HPSE2: variants seen among roughly 807,000 people sequenced by gnomAD.
The protein encoded by HPSE2 is heparanase 2 (inactive).
HPSE2 carries 38 observed loss-of-function variants against 60.5 expected under a neutral mutation model. The ratio of observed to expected loss-of-function variants is 0.63; its 90% CI spans 0.48 to 0.82. HPSE2 has a LOEUF of 0.82. HPSE2 is among the 40% of genes least tolerant of loss of function. The probability of loss-of-function intolerance (pLI) is 0.00; values close to 1 mark genes in which losing one functional copy is unlikely to be tolerated. For missense variants in HPSE2, 713 were observed against 740.4 expected (o/e 0.96, Z 0.43); for synonymous variants, 295 against 293.2 (o/e 1.01, Z -0.06).
intron 9 of HPSE2, among the ~76,000 whole-genome samples, chr10:98,560,873 ACAGT>A (rs1187263098): frequency 5.4e-4 from 3 of 5,540 alleles, no homozygotes; most frequent in African/African-American, 7.1e-4. Context: ...AGCCAGTTGT[ACAGT>A]TGTATAAAAG....
At chr10:98,788,987 T>A (rs1373628369) in intron 3 of HPSE2, among the ~76,000 whole-genome samples, 1 of 152,230 alleles carries the variant, frequency 6.6e-6, no homozygotes, top group Non-Finnish European at 1.5e-5. Flanking sequence ...CCACTTCTTA[T>A]CCTTCTCACT....
intron 3 of HPSE2, among the ~76,000 whole-genome samples, chr10:98,752,871 A>G (rs924443033): frequency 6.6e-6 from 1 of 152,230 alleles, no homozygotes; most frequent in African/African-American, 2.4e-5. Flanking sequence ...TAAAAAGAAT[A>G]AAATCCTGTC....
At chr10:98,761,186 A>C (rs940585487) in intron 3 of HPSE2, among the ~76,000 whole-genome samples, 6 of 151,920 alleles carry the variant, frequency 3.9e-5, no homozygotes, top group Non-Finnish European at 8.8e-5. Flanking sequence ...ATTTTATTTA[A>C]GTCTTCTCTC....
chr10:98,987,734 C>T (rs376384898), intron 3 of HPSE2, among the ~76,000 whole-genome samples: 11 of 152,188 alleles, frequency 7.2e-5, no homozygotes, highest in South Asian at 2.1e-4. Context: ...TGATTGTATA[C>T]CTAGAAAACC....
intron 9 of HPSE2, among the ~76,000 whole-genome samples, chr10:98,504,562 G>A (rs1160726192): frequency 7.2e-5 from 11 of 152,132 alleles, no homozygotes; most frequent in East Asian, 1.9e-4. Context: ...CGAGGTTGCC[G>A]GATCACGAGG....
intron 3 of HPSE2, among the ~76,000 whole-genome samples, chr10:98,914,217 T>C (rs904558558): frequency 6.6e-6 from 1 of 152,038 alleles, no homozygotes; most frequent in African/African-American, 2.4e-5. Flanking sequence ...AGGGGGAGTT[T>C]CCCTGCACAA....
intron 3 of HPSE2, among the ~76,000 whole-genome samples, chr10:98,840,163 T>A (rs1266714409): frequency 6.6e-6 from 1 of 152,174 alleles, no homozygotes; most frequent in Non-Finnish European, 1.5e-5. Context: ...GAAATCCTCA[T>A]GAGTATCAGT....
intron 3 of HPSE2, among the ~76,000 whole-genome samples, chr10:99,008,645 A>C (rs151294720): frequency 6.6e-6 from 1 of 152,348 alleles, no homozygotes; most frequent in African/African-American, 2.4e-5. Context: ...AAAATATTCC[A>C]AAGCCAATTA....
intron 3 of HPSE2, among the ~76,000 whole-genome samples, chr10:98,948,763 C>A (rs182816970): frequency 6.6e-6 from 1 of 152,212 alleles, no homozygotes; most frequent in African/African-American, 2.4e-5. Flanking sequence ...AGACCACCCC[C>A]TCCTCTTCCA....
At chr10:98,570,784 C>T (rs1944472450) in intron 9 of HPSE2, among the ~76,000 whole-genome samples, 1 of 151,528 alleles carries the variant, frequency 6.6e-6, no homozygotes, top group African/African-American at 2.4e-5. Flanking sequence ...ACTGCAGTCC[C>T]ATTATAACAC....
At chr10:99,193,820 T>G (rs561672342) in intron 2 of HPSE2, among the ~76,000 whole-genome samples, 3 of 151,752 alleles carry the variant, frequency 2.0e-5, no homozygotes, top group East Asian at 3.9e-4. Flanking sequence ...ATGAGAGAGA[T>G]AGACTCCAAT....
intron 1 of HPSE2, among the ~76,000 whole-genome samples, chr10:99,235,184 G>C (rs748342026): frequency 2.6e-5 from 4 of 151,730 alleles, no homozygotes; most frequent in African/African-American, 4.9e-5. Flanking sequence ...TTTTGTAACT[G>C]CTCTGAACCT....
chr10:99,083,966 C>CTTTTT (rs34799799), intron 3 of HPSE2, among the ~76,000 whole-genome samples: 1,449 of 79,758 alleles, frequency 0.018, 80 homozygotes, highest in East Asian at 0.031. Flanking sequence ...GTGTGAAAGC[C>CTTTTT]TTTTTTTTTT....
intron 9 of HPSE2, among the ~76,000 whole-genome samples, chr10:98,527,192 G>A (rs1942993161): frequency 6.6e-6 from 1 of 151,910 alleles, no homozygotes; most frequent in African/African-American, 2.4e-5. Flanking sequence ...TTCCTCTCTA[G>A]GCTCTCTGCC....
At chr10:99,125,831 A>G (rs944882159) in intron 3 of HPSE2, among the ~76,000 whole-genome samples, 3 of 152,212 alleles carry the variant, frequency 2.0e-5, no homozygotes, top group Admixed American at 6.5e-5. Context: ...CTTTAGCTCG[A>G]GCCCAAGGAA....
chr10:98,933,800 C>T lies in HPSE2; in HGVS notation c.611-189744G>A, dbSNP rs559648071. Among the ~76,000 whole-genome samples, 11 of 138,402 alleles carry T rather than the reference C, an allele frequency of 7.9e-5. 1 individual carries two copies. The highest frequency in any genetic ancestry group is 2.0e-4 in the East Asian group (1 of 4,906). 90.8% of individuals were successfully genotyped at this position (138,402 alleles called of 152,430 possible). ...AGGCTGGAGTGCAACAGTGTGATCTCGGCTCACTGCAAGCTCCGCCTCCTG... is the reference window on the plus strand; with the variant it reads ...AGGCTGGAGTGCAACAGTGTGATCTTGGCTCACTGCAAGCTCCGCCTCCTG... On this transcript the variant is annotated intron_variant, in intron 3 of 11. Transcript: ENST00000370552.
chr10:98,482,215 G>A (rs552817706), intron 11 of HPSE2, among the ~76,000 whole-genome samples: 1 of 152,098 alleles, frequency 6.6e-6, no homozygotes, highest in Non-Finnish European at 1.5e-5. Flanking sequence ...AACAACAAGG[G>A]AGTCAGCATT....
At position 98,931,039 on chromosome 10, in the gene HPSE2, T is replaced by C. The variant is rs1954627512; in HGVS notation, c.611-186983A>G. Among the ~76,000 whole-genome samples, 2 of 144,336 alleles carry C rather than the reference T, an allele frequency of 1.4e-5. 1 individual carries two copies. Among genetic ancestry groups the C allele is most frequent in the Admixed American group, 1.4e-4 (2 of 14,508 alleles). The allele number at this position is 144,336 out of a possible 152,430, so 94.7% of individuals were successfully genotyped here. On this transcript the variant is annotated intron_variant, in intron 3 of 11. Coordinates refer to ENST00000370552, the MANE Select transcript of HPSE2 (RefSeq NM_021828.5). Reference sequence around the variant, plus strand: ...TTTGGAGATTTCTTCATAAAGTCTTTGCCCATGCCTATGTCCTGAATGGTA... The same window carrying C: ...TTTGGAGATTTCTTCATAAAGTCTTCGCCCATGCCTATGTCCTGAATGGTA...
chr10:99,073,447 G>A (rs1017141474), intron 3 of HPSE2, among the ~76,000 whole-genome samples: 1 of 152,084 alleles, frequency 6.6e-6, no homozygotes, highest in African/African-American at 2.4e-5. Flanking sequence ...GACACAGGGA[G>A]GAGAACAACA....
Sources: gnomAD v4.1 joint callset for allele counts (sites outside exome capture counted in the v4.1 genomes callset) on GRCh38, gnomAD v4.1.1 for gene constraint, MANE v1.5 for transcripts, NCBI Gene and HGNC (gene_info 2026-07-23, HGNC 2026-07-21) for gene names.